Variants in TPST2 observed in about 807,000 individuals in gnomAD.
The protein encoded by TPST2 is protein-tyrosine sulfotransferase 2.
In TPST2, 16 loss-of-function variants were observed where a neutral mutation model predicts 27.8. That is an observed-to-expected ratio of 0.58 (90% confidence interval 0.39 to 0.88). The LOEUF is 0.88. TPST2 is among the 40% of genes least tolerant of loss of function. The probability of loss-of-function intolerance (pLI) is 0.00; values close to 1 mark genes in which losing one functional copy is unlikely to be tolerated. For synonymous variants in TPST2, 229 were observed against 231.7 expected (o/e 0.99, Z 0.10); for missense variants, 464 against 543.1 (o/e 0.85, Z 1.45).
At chr22:26,556,704 T>C (rs1926816188) in intron 1 of TPST2, among the ~76,000 whole-genome samples, 1 of 152,256 alleles carries the variant, frequency 6.6e-6, no homozygotes, top group Admixed American at 6.5e-5. Flanking sequence ...GGAACCCCAA[T>C]TAAGAATCGC....
chr22:26,540,548 C>T (rs761944804), intron 3 of TPST2, among the ~76,000 whole-genome samples: 91 of 152,100 alleles, frequency 6.0e-4, no homozygotes, highest in Non-Finnish European at 9.0e-4. Context: ...TTACTCCAGC[C>T]GGGCAACAGA....
intron 1 of TPST2, among the ~76,000 whole-genome samples, chr22:26,588,035 T>G (rs1009635341): frequency 6.6e-6 from 1 of 151,702 alleles, no homozygotes; most frequent in Middle Eastern, 3.2e-3. Context: ...CTGAGAGAAC[T>G]GAAAATGTAT....
chr22:26,561,210 C>T (rs1271329676), intron 1 of TPST2: 3 of 1,533,522 alleles, frequency 2.0e-6, no homozygotes, highest in Admixed American at 2.2e-5. Flanking sequence ...GCATTTAACC[C>T]CCCTGTACAC....
chr22:26,535,142 C>A (rs1248541384), intron 4 of TPST2, among the ~76,000 whole-genome samples: 2 of 152,158 alleles, frequency 1.3e-5, no homozygotes, highest in African/African-American at 4.8e-5. Flanking sequence ...CTTTTTAGCA[C>A]CAAATGGAAA....
intron 1 of TPST2, among the ~76,000 whole-genome samples, chr22:26,553,550 T>G (rs1420620742): frequency 6.6e-6 from 1 of 152,110 alleles, no homozygotes; most frequent in Non-Finnish European, 1.5e-5. Context: ...TTTTTTATTT[T>G]TGTGGAGACG....
intron 1 of TPST2, among the ~76,000 whole-genome samples, chr22:26,585,577 A>G (rs190224945): frequency 4.6e-5 from 7 of 152,292 alleles, no homozygotes; most frequent in African/African-American, 1.4e-4. Flanking sequence ...ATAGGCAGCA[A>G]GTCGGGGAGC....
At chr22:26,555,330 G>A (rs773027463) in intron 1 of TPST2, 2 of 508,428 alleles carry the variant, frequency 3.9e-6, no homozygotes, top group Non-Finnish European at 7.9e-6. Flanking sequence ...GCCCACCTGG[G>A]CCAGGCTCAG....
At position 26,560,138 on chromosome 22, in the gene TPST2, C is replaced by G. The variant is rs1016592601; in HGVS notation, c.-160-15463G>C. 3.9e-5 allele frequency among the ~76,000 whole-genome samples: 6 copies of G among 152,264 alleles called. No individual in the cohort carries two copies. The South Asian group carries it at 8.3e-4, about 21-fold the overall frequency. ...AAAGGAGAGTGTGGCCAAGGTCACA[C>G]AGCAAGTTAATGGCACGGCCAGGCC... is the stretch of plus-strand genomic sequence containing the variant. On this transcript the variant is annotated intron_variant, in intron 1 of 6. Transcript: ENST00000338754.
intron 3 of TPST2, 124 bp from the exon 4 acceptor site, chr22:26,536,610 C>T: frequency 1.2e-6 from 1 of 869,174 alleles, no homozygotes; most frequent in Non-Finnish European, 1.7e-6. Flanking sequence ...CCCAGCTCTG[C>T]CCCATCAACT....
intron 1 of TPST2, among the ~76,000 whole-genome samples, chr22:26,561,846 G>C (rs993287669): frequency 1.5e-4 from 23 of 152,182 alleles, no homozygotes; most frequent in African/African-American, 5.5e-4. Flanking sequence ...GCATGACTTT[G>C]AAGCTGCATA....
chr22:26,555,297 C>T (rs1459961916), intron 1 of TPST2: 3 of 519,446 alleles, frequency 5.8e-6, no homozygotes, highest in Admixed American at 1.9e-5. Flanking sequence ...ATTACTTTTG[C>T]ACCAGCTAAC....
intron 4 of TPST2, among the ~76,000 whole-genome samples, chr22:26,533,944 G>A (rs77332738): frequency 0.03 from 4,570 of 152,124 alleles, 177 homozygotes; most frequent in East Asian, 0.19. Context: ...AAAAGTGCTA[G>A]GATTATAGAC....
intron 4 of TPST2, among the ~76,000 whole-genome samples, chr22:26,534,178 G>A (rs930653131): frequency 2.0e-5 from 3 of 152,190 alleles, no homozygotes; most frequent in Non-Finnish European, 4.4e-5. Flanking sequence ...AGGCAGAGAC[G>A]ATTTCATCAG....
At chr22:26,553,308 C>T (rs900636660) in intron 1 of TPST2, among the ~76,000 whole-genome samples, 3 of 151,182 alleles carry the variant, frequency 2.0e-5, no homozygotes, top group Non-Finnish European at 2.9e-5. Context: ...CATAGGGAAT[C>T]ATCCAGCATC....
chr22:26,560,104 C>T (rs553516110), intron 1 of TPST2, among the ~76,000 whole-genome samples: 29 of 152,264 alleles, frequency 1.9e-4, no homozygotes, highest in African/African-American at 5.8e-4. Context: ...AAAGCCTGGG[C>T]GAGCTCAGAA....
chr22:26,575,400 A>G (rs1237706319), intron 1 of TPST2, among the ~76,000 whole-genome samples: 1 of 151,936 alleles, frequency 6.6e-6, no homozygotes, highest in African/African-American at 2.4e-5. Context: ...TAATCATCAC[A>G]CTTACCAATT....
At chr22:26,564,267 G>A (rs955598267) in intron 1 of TPST2, among the ~76,000 whole-genome samples, 1 of 152,210 alleles carries the variant, frequency 6.6e-6, no homozygotes. Context: ...CTCAGTAGCT[G>A]CTTGGAGCAG....
In TPST2 at chr22:26,524,360, TAA is replaced by T. The variant is rs139396708; in HGVS notation, c.*1913_*1914del. 774 of 151,736 alleles carry T rather than the reference TAA, an allele frequency of 5.1e-3. 4 individuals carry two copies. Among genetic ancestry groups the T allele is most frequent in the African/African-American group, 0.017 (712 of 41,296 alleles). 9.4% of individuals were successfully genotyped at this position (151,736 alleles called of 1,614,324 possible). ...TCGTCTCTACAGAAAAAAAAAAATT[TAA>T]AAAGTAGCCAGGTGTGGTGGCACAT... On this transcript the variant is annotated 3_prime_UTR_variant, in exon 7 of 7. Coordinates refer to ENST00000338754, the MANE Select transcript of TPST2 (RefSeq NM_003595.5).
At chr22:26,540,378 C>T (rs551416729) in intron 3 of TPST2, among the ~76,000 whole-genome samples, 1 of 152,060 alleles carries the variant, frequency 6.6e-6, no homozygotes, top group Non-Finnish European at 1.5e-5. Context: ...GGTGGAAGAA[C>T]TGCTTGAGGC....
Sources: allele counts gnomAD v4.1 joint callset (sites outside exome capture counted in the v4.1 genomes callset), GRCh38; gene constraint gnomAD v4.1.1; transcripts MANE v1.5; gene names NCBI Gene and HGNC (gene_info 2026-07-23, HGNC 2026-07-21).